The following ESRRB variants were observed in gnomAD, a reference collection of about 807,000 sequenced individuals.
ESRRB encodes steroid hormone receptor ERR2.
ESRRB carries 16 observed loss-of-function variants against 46.0 expected under a neutral mutation model. The ratio of observed to expected loss-of-function variants is 0.35; its 90% CI spans 0.24 to 0.53. The LOEUF is 0.53. ESRRB is among the 20% of genes least tolerant of loss of function. The pLI is 0.93. For missense variants in ESRRB, 488 were observed against 607.4 expected, an observed-to-expected ratio of 0.80 and a Z score of 2.07; for synonymous variants, 246 against 259.6, an observed-to-expected ratio of 0.95 and a Z score of 0.50.
At chr14:76,429,869 G>A (rs1887365215) in intron 1 of ESRRB, among the ~76,000 whole-genome samples, 1 of 152,122 alleles carries the variant, frequency 6.6e-6, no homozygotes, top group African/African-American at 2.4e-5. Flanking sequence ...GTGTGTGTGT[G>A]TGTAATTAAT....
intron 1 of ESRRB, among the ~76,000 whole-genome samples, chr14:76,330,300 A>G: frequency 6.6e-6 from 1 of 152,136 alleles, no homozygotes; most frequent in Non-Finnish European, 1.5e-5. Context: ...CCCAGGACCA[A>G]ATCCCACGAA....
At chr14:76,462,464 C>T in intron 2 of ESRRB, 81 bp from the exon 3 acceptor site, 1 of 1,039,236 alleles carries the variant, frequency 9.6e-7, no homozygotes, top group Non-Finnish European at 1.5e-6. Flanking sequence ...AAATTAAAAT[C>T]CCCATCCAGC....
chr14:76,370,041 G>A (rs1042601747), upstream of ESRRB, among the ~76,000 whole-genome samples: 1 of 152,108 alleles, frequency 6.6e-6, no homozygotes, highest in Admixed American at 6.6e-5. Flanking sequence ...TACCAGTGAT[G>A]AGACCCTAGA....
At chr14:76,451,080 C>G (rs1293054174) in intron 2 of ESRRB, among the ~76,000 whole-genome samples, 1 of 152,064 alleles carries the variant, frequency 6.6e-6, no homozygotes, top group Non-Finnish European at 1.5e-5. Flanking sequence ...GGAGGGCTTC[C>G]TGGAAGAAGG....
chr14:76,369,485 G>C (rs1301116509), upstream of ESRRB, among the ~76,000 whole-genome samples: 3 of 151,714 alleles, frequency 2.0e-5, no homozygotes, highest in Non-Finnish European at 4.4e-5. Flanking sequence ...TGTTGCCCAG[G>C]GTGGTCTCAA....
intron 1 of ESRRB, among the ~76,000 whole-genome samples, chr14:76,419,018 C>CT (rs869269538): frequency 0.02 from 2,858 of 143,772 alleles, 68 homozygotes; most frequent in African/African-American, 0.061. Context: ...AGCCTGTAAA[C>CT]TTTTTTTTTT....
At chr14:76,383,509 A>G (rs576817579) in intron 1 of ESRRB, among the ~76,000 whole-genome samples, 9 of 152,296 alleles carry the variant, frequency 5.9e-5, no homozygotes, top group Admixed American at 3.9e-4. Context: ...GGGGTGAAGA[A>G]GCGTGATCTT....
In ESRRB at chr14:76,482,789, G is replaced by C; in HGVS notation, c.850+30G>C. 6.2e-7 allele frequency: 1 copy of C among 1,612,568 alleles called. No homozygotes were observed. Among genetic ancestry groups the C allele is most frequent in the South Asian group, 1.1e-5 (1 of 91,020 alleles). On this transcript the variant is annotated intron_variant, in intron 5 of 6. Coordinates refer to ENST00000644823, the MANE Select transcript of ESRRB (RefSeq NM_001379180.1). The surrounding 1 kb of genome is among the most constrained non-coding windows in gnomAD (Gnocchi z 4.3). ...GCATGTGGGACCAGGGGAGAGTGTG[G>C]CCAGGGACTCTCAGCCGGTATCTCC...
intron 3 of ESRRB, among the ~76,000 whole-genome samples, chr14:76,468,428 C>A (rs1046772526): frequency 1.5e-5 from 2 of 130,898 alleles, no homozygotes; most frequent in Admixed American, 1.7e-4. Context: ...AACACGCACA[C>A]ACACACATAC....
rs61137774 is a variant in ESRRB, at chr14:76,420,558, A to AGTGTGTGTGTGT, written c.51-18758_51-18747dup. Among the ~76,000 whole-genome samples, 470 of 142,454 alleles carry AGTGTGTGTGTGT rather than the reference A, an allele frequency of 3.3e-3. 5 individuals are homozygous for AGTGTGTGTGTGT. The highest frequency in any genetic ancestry group is 0.011 in the African/African-American group (434 of 37,872). The allele number at this position is 142,454 out of a possible 152,430, so 93.5% of individuals were successfully genotyped here. The stretch of plus-strand genomic sequence containing the variant: ...AATAGGTCTTCTCCTACAGGGTGTG[A>AGTGTGTGTGTGT]GTGTGTGTGTGTGTGTGTGTGTGTG... On this transcript the variant is annotated intron_variant, in intron 1 of 6. Coordinates refer to ENST00000644823, the MANE Select transcript of ESRRB (RefSeq NM_001379180.1).
chr14:76,415,278 G>C (rs1026309201), intron 1 of ESRRB, among the ~76,000 whole-genome samples: 4 of 152,194 alleles, frequency 2.6e-5, no homozygotes, highest in African/African-American at 7.2e-5. Flanking sequence ...CAAACTTTAG[G>C]GGTGTGGAGA....
chr14:76,386,359 T>C (rs1885227120), intron 1 of ESRRB, among the ~76,000 whole-genome samples: 1 of 152,210 alleles, frequency 6.6e-6, no homozygotes, highest in Admixed American at 6.5e-5. Context: ...CCCATGACTG[T>C]TTTTCTTAAA....
intron 3 of ESRRB, among the ~76,000 whole-genome samples, chr14:76,479,119 A>C (rs987392469): frequency 6.6e-6 from 1 of 152,186 alleles, no homozygotes; most frequent in African/African-American, 2.4e-5. Context: ...GGCATCTAAC[A>C]AGCCTCAAAT....
intron 1 of ESRRB, among the ~76,000 whole-genome samples, chr14:76,386,869 C>T (rs1402458322): frequency 1.3e-5 from 2 of 152,170 alleles, no homozygotes; most frequent in Admixed American, 6.5e-5. Flanking sequence ...CCTAACAGCA[C>T]CCAGGGCTAC....
chr14:76,493,944 T>G (rs1041300604), intron 6 of ESRRB, among the ~76,000 whole-genome samples: 6 of 152,354 alleles, frequency 3.9e-5, no homozygotes, highest in African/African-American at 1.4e-4. Context: ...GTACAAAAGT[T>G]CGGATCAGAG....
intron 1 of ESRRB, among the ~76,000 whole-genome samples, chr14:76,417,238 A>G (rs1419511701): frequency 6.6e-6 from 1 of 152,172 alleles, no homozygotes. Flanking sequence ...ACTAATGATG[A>G]GGTGAGCTGT....
At chr14:76,400,420 A>G (rs1885889842) in intron 1 of ESRRB, among the ~76,000 whole-genome samples, 1 of 152,228 alleles carries the variant, frequency 6.6e-6, no homozygotes, top group East Asian at 1.9e-4. Flanking sequence ...GGAAATGACA[A>G]GAGCCGGAAG....
chr14:76,497,063 G>A (rs1292221460), intron 6 of ESRRB, among the ~76,000 whole-genome samples: 1 of 152,196 alleles, frequency 6.6e-6, no homozygotes, highest in East Asian at 1.9e-4. Context: ...AGTCGGGGGA[G>A]GATGGAGAGG....
intron 2 of ESRRB, among the ~76,000 whole-genome samples, chr14:76,448,330 T>C (rs1346990613): frequency 6.9e-6 from 1 of 143,932 alleles, no homozygotes; most frequent in Admixed American, 6.8e-5. Flanking sequence ...TTACTTACCT[T>C]TTTTTTTTTT....
Sources: gnomAD v4.1 joint callset for allele counts (sites outside exome capture counted in the v4.1 genomes callset) on GRCh38, gnomAD v4.1.1 for gene constraint, Gnocchi (gnomAD v3.1) non-coding constraint, MANE v1.5 for transcripts, NCBI Gene and HGNC (gene_info 2026-07-23, HGNC 2026-07-21) for gene names.